Variants in ANO9 observed in about 807,000 individuals in gnomAD.
ANO9 encodes the protein anoctamin 9, also known as anoctamin-9.
In ANO9, 80 loss-of-function variants were observed where a neutral mutation model predicts 100.5. The observed-to-expected ratio is 0.80, with a 90% CI of 0.66 to 0.96. The LOEUF is 0.96. ANO9 is among the 40% of genes least tolerant of loss of function. ANO9 has a pLI of 0.00. For missense variants in ANO9, 1,064 were observed against 1,072.7 expected (o/e 0.99, Z 0.11); for synonymous variants, 473 against 435.6 (o/e 1.09, Z -1.07).
chr11:428,103 G>T lies in ANO9; in HGVS notation c.1319C>A (p.Ala440Asp). The change falls in exon 15 of 23, where the codon GCC (alanine) becomes GAC (aspartate). Residue 440 changes from alanine to aspartate, a missense_variant. By Grantham distance (126) the Ala-to-Asp change is moderately radical. Coordinates refer to ENST00000332826, the MANE Select transcript of ANO9 (RefSeq NM_001012302.3). The stretch of plus-strand genomic sequence containing the variant: ...CCGGCCCTACCTGCCCAGGATGAAG[G>T]CGATGTAGATGAGAGACGAGAAATG... ...FTHFSSLIYI[A>D]FILGRINGHP... 6.2e-7 allele frequency: 1 copy of T among 1,609,472 alleles called. No individual in the cohort carries two copies. The highest frequency in any genetic ancestry group is 8.5e-7 in the Non-Finnish European group (1 of 1,179,234).
chr11:419,211 CAGAGA>C (rs1848027036), intron 20 of ANO9: 1 of 1,429,234 alleles, frequency 7.0e-7, no homozygotes, highest in Non-Finnish European at 9.1e-7. Context: ...CTTTCCCTGC[CAGAGA>C]CTGGCCCTGG....
intron 4 of ANO9, chr11:433,023 T>G: frequency 2.4e-6 from 1 of 409,434 alleles, no homozygotes; most frequent in South Asian, 4.8e-5. Flanking sequence ...CCTCTGCAAA[T>G]CCTGCCCAAC....
intron 19 of ANO9, chr11:420,049 C>T (rs1366689343): frequency 4.5e-6 from 6 of 1,322,552 alleles, no homozygotes; most frequent in South Asian, 3.6e-5. Flanking sequence ...AACCTGGGCC[C>T]GAGACTGGGG....
At chr11:436,377 T>C (rs1478558207) in intron 1 of ANO9, among the ~76,000 whole-genome samples, 3 of 152,042 alleles carry the variant, frequency 2.0e-5, no homozygotes, top group Admixed American at 1.3e-4. Flanking sequence ...CTGTTTCTTA[T>C]TTTGTTTTGC....
intron 1 of ANO9, among the ~76,000 whole-genome samples, chr11:435,795 C>G (rs1849474491): frequency 1.4e-5 from 2 of 147,226 alleles, no homozygotes; most frequent in South Asian, 4.4e-4. Context: ...TCTAGTATAG[C>G]ATAGGATAGC....
Position 421,643 on chromosome 11 carries a change from C to T in ANO9, c.1335-445G>A, listed in dbSNP as rs537797499. On this transcript the variant is annotated intron_variant, in intron 15 of 22. Transcript: ENST00000332826. The surrounding 1 kb of genome is among the most constrained non-coding windows in gnomAD (Gnocchi z 6.8). ...GGCTCCCAGACGAACCGCACCTGCA[C>T]GTGGGCGCACACACACACACACAGG... Among the ~76,000 whole-genome samples, 43 of 151,828 alleles carry T rather than the reference C, an allele frequency of 2.8e-4. No homozygotes were observed. The highest frequency in any genetic ancestry group is 5.0e-4 in the Non-Finnish European group (34 of 67,964).
rs769055363 is a variant in ANO9, at chr11:434,045, CA to C, written c.59del (p.Leu20ArgfsTer50). On this transcript the variant is annotated frameshift_variant, in exon 2 of 23. Coordinates refer to ENST00000332826, the MANE Select transcript of ANO9 (RefSeq NM_001012302.3). LOFTEE classifies it high-confidence loss of function. The part of the protein sequence containing the change: ...LVEPEGDSFP[L>X]MEISTCETEA... Reference sequence around the variant, plus strand: ...CCACCTCACAGGTGCTGATCTCCATCAGCGGGAAGCTGTCCCCTTCGGGCTC... The same window carrying C: ...CCACCTCACAGGTGCTGATCTCCATCGCGGGAAGCTGTCCCCTTCGGGCTC... 48 of 1,550,980 alleles carry C rather than the reference CA, an allele frequency of 3.1e-5. No homozygotes were observed. The highest frequency in any genetic ancestry group is 3.9e-5 in the Non-Finnish European group (45 of 1,147,388).
chr11:437,401 C>A (rs10751658), intron 1 of ANO9, among the ~76,000 whole-genome samples: 1 of 151,894 alleles, frequency 6.6e-6, no homozygotes, highest in Non-Finnish European at 1.5e-5. Context: ...AGCCTCCCTG[C>A]GGGGGGAAGT....
Position 441,770 on chromosome 11 carries a change from ACCCTCGCC to A in ANO9, c.6+143_6+150del, listed in dbSNP as rs1845891209. ...GGCAGCTTAGCTGAGCCGGGCGGTC[ACCCTCGCC>A]TGACCGGGCAGCCTGCAGGGACCCC... On this transcript the variant is annotated intron_variant, in intron 1 of 22. Coordinates refer to ENST00000332826, the MANE Select transcript of ANO9 (RefSeq NM_001012302.3). The A allele has an allele frequency of 1.4e-5, 18 of 1,250,690 alleles. No individual in the cohort carries two copies. In the South Asian group the frequency reaches 2.5e-4, roughly 17 times the overall value. 77.5% of individuals were successfully genotyped at this position (1,250,690 alleles called of 1,614,324 possible).
In ANO9 at chr11:421,750, G is replaced by T. The variant is rs537276245; in HGVS notation, c.1335-552C>A. On this transcript the variant is annotated intron_variant, in intron 15 of 22. Coordinates refer to ENST00000332826, the MANE Select transcript of ANO9 (RefSeq NM_001012302.3). This position sits in a 1 kb window ranked among gnomAD's most constrained non-coding sequence, Gnocchi z 6.8. ...TTTCTCCCCGTGGAAACGGCACGAT[G>T]GGTTATTTTGTGTTTAAAATCACCT... is the stretch of plus-strand genomic sequence containing the variant. 6.6e-5 allele frequency among the ~76,000 whole-genome samples: 10 copies of T among 152,334 alleles called. No individual in the cohort carries two copies. The highest frequency in any genetic ancestry group is 2.4e-4 in the African/African-American group (10 of 41,566).
In ANO9 at chr11:432,132, G is replaced by T; in HGVS notation, c.351-78C>A. The T allele has an allele frequency of 2.7e-6, 4 of 1,508,072 alleles. No individual in the cohort carries two copies. The highest frequency in any genetic ancestry group is 3.6e-6 in the Non-Finnish European group (4 of 1,099,234). 93.4% of individuals were successfully genotyped at this position (1,508,072 alleles called of 1,614,324 possible). The stretch of plus-strand genomic sequence containing the variant: ...AGGTCTCAACCTGCCCTCTGGTCTG[G>T]CCAGGCCCAGGCCCCTCCCTGTCCT... On this transcript the variant is annotated intron_variant, in intron 4 of 22. Transcript: ENST00000332826. The surrounding 1 kb of genome is among the most constrained non-coding windows in gnomAD (Gnocchi z 4.8).
rs753340054 is a variant in ANO9 at position 420,529 on chromosome 11, G to T, written c.1720C>A (p.Arg574Ser). The stretch of plus-strand genomic sequence containing the variant: ...CAGACCATCTTGATGGCGTCCAGGC[G>T]GATCTCCACGAGGTTGCTGAAGAGC... ...LALFSNLVEI[R>S]LDAIKMVWLQ... is the part of the protein sequence containing the mutation. The change falls in exon 19 of 23, where the codon CGC (arginine) becomes AGC (serine). Residue 574 changes from arginine (R) to serine (S), a missense_variant. Arg to Ser is a moderately radical substitution (Grantham distance 110). Coordinates refer to ENST00000332826, the MANE Select transcript of ANO9 (RefSeq NM_001012302.3). 1 of 1,605,890 alleles carries T rather than the reference G, an allele frequency of 6.2e-7. No homozygotes were observed. The highest frequency in any genetic ancestry group is 1.1e-5 in the South Asian group (1 of 91,010).
Position 420,845 on chromosome 11 carries a change from C to A in ANO9, c.1506G>T (p.Lys502Asn), listed in dbSNP as rs779752799. Residue 502 changes from lysine to asparagine, a missense_variant, in exon 18 of 23, where the codon AAG (lysine) becomes AAT (asparagine). Transcript: ENST00000332826. ...VEYLVPWVTH[K>N]CRSLRASESG... is the part of the protein sequence containing the mutation. ...ACTCGGAGGCCCGCAGAGAGCGGCA[C>A]TTGTGGGTCACCCACCTGCGGGGAG... 3.1e-6 allele frequency: 5 copies of A among 1,591,680 alleles called. No individual in the cohort carries two copies. In the Admixed American group the frequency reaches 6.8e-5, roughly 22 times the overall value.
intron 1 of ANO9, among the ~76,000 whole-genome samples, chr11:438,926 A>G (rs7116934): frequency 0.26 from 39,990 of 151,960 alleles, 5,814 homozygotes; most frequent in East Asian, 0.61. Context: ...GGCTGTCCCT[A>G]CACACTCAGT....
rs1848008976 is a variant in ANO9 at position 418,986 on chromosome 11, G to A, written c.1938C>T (p.Cys646=). The A allele has an allele frequency of 6.2e-7, 1 of 1,613,092 alleles. No individual in the cohort carries two copies. The highest frequency in any genetic ancestry group is 8.5e-7 in the Non-Finnish European group (1 of 1,179,866). The change falls in exon 21 of 23, where the codon TGC becomes TGT. Residue 646 remains cysteine, a synonymous_variant. Transcript: ENST00000332826. ...GGCTGTGGTTGACGTAGCCCTTGAGGCAGCTGGGGAGAGGGGAGAGGAGTG... is the reference window on the plus strand; with the variant it reads ...GGCTGTGGTTGACGTAGCCCTTGAGACAGCTGGGGAGAGGGGAGAGGAGTG... ...CLKEGNSTVD[C]LKGYVNHSLS...
In ANO9 at chr11:422,107, C is replaced by T. The variant is rs533915016; in HGVS notation, c.1335-909G>A. 7.5e-4 allele frequency among the ~76,000 whole-genome samples: 114 copies of T among 152,098 alleles called. No homozygotes were observed. The highest frequency in any genetic ancestry group is 1.4e-3 in the Non-Finnish European group (94 of 68,028). ...GGCTTTTCCGTGTGCGGCAAAGCTG[C>T]GGGGAAACATGGCATGAGAAAGTAT... On this transcript the variant is annotated intron_variant, in intron 15 of 22. Transcript: ENST00000332826. The surrounding 1 kb of genome is among the most constrained non-coding windows in gnomAD (Gnocchi z 4.3).
chr11:441,822 C>T (rs1288404214), intron 1 of ANO9, 99 bp downstream of exon 1: 2 of 1,514,612 alleles, frequency 1.3e-6, no homozygotes, highest in East Asian at 2.4e-5. Context: ...ACACAGGCGC[C>T]TTCCAGGTGG....
rs758562981 is a variant in ANO9 at position 418,746 on chromosome 11, G to A, written c.2104C>T (p.Arg702Cys). ...SEQFWFLLAIRLAFVILFEHV... is the reference protein window; with the variant it reads ...SEQFWFLLAICLAFVILFEHV... ...TCAAAGAGGATGACGAAGGCCAGGC[G>A]GATGGCCAGGAGGAACCAGAACTGC... is the stretch of plus-strand genomic sequence containing the variant. The change falls in exon 22 of 23, where the codon CGC becomes TGC. Residue 702 changes from arginine to cysteine, a missense_variant. Coordinates refer to ENST00000332826, the MANE Select transcript of ANO9 (RefSeq NM_001012302.3). 26 of 1,612,930 alleles carry A rather than the reference G, an allele frequency of 1.6e-5. No individual in the cohort carries two copies. Among genetic ancestry groups the A allele is most frequent in the African/African-American group, 2.7e-5 (2 of 74,928 alleles).
intron 1 of ANO9, among the ~76,000 whole-genome samples, chr11:438,704 G>A (rs193172635): frequency 2.7e-4 from 41 of 152,128 alleles, no homozygotes; most frequent in African/African-American, 8.9e-4. Context: ...CAGTGTTTAC[G>A]GACCACGGGA....
Sources: gnomAD v4.1 joint callset for allele counts (sites outside exome capture counted in the v4.1 genomes callset) on GRCh38, gnomAD v4.1.1 for gene constraint, Gnocchi (gnomAD v3.1) non-coding constraint, MANE v1.5 for transcripts, NCBI Gene and HGNC (gene_info 2026-07-23, HGNC 2026-07-21) for gene names.